KCMF1: variants seen among roughly 807,000 people sequenced by gnomAD.
The protein encoded by KCMF1 is E3 ubiquitin-protein ligase KCMF1.
KCMF1 carries 3 observed loss-of-function variants against 41.1 expected under a neutral mutation model. That is an observed-to-expected ratio of 0.07 (90% confidence interval 0.03 to 0.19). The LOEUF is 0.19. Ranked by LOEUF, KCMF1 falls within the 10% of genes least tolerant of loss-of-function variation. The probability of loss-of-function intolerance (pLI) is 1.00; values close to 1 mark genes in which losing one functional copy is unlikely to be tolerated. For synonymous variants in KCMF1, 142 were observed against 164.5 expected (o/e 0.86, Z 1.04); for missense variants, 286 against 488.9 (o/e 0.58, Z 3.91).
intron 5 of KCMF1, among the ~76,000 whole-genome samples, chr2:85,046,748 G>C (rs1225140244): frequency 1.3e-5 from 2 of 151,900 alleles, no homozygotes; most frequent in African/African-American, 4.8e-5. Flanking sequence ...TGTGTTAAAA[G>C]CAGACACTTA....
At chr2:85,005,588 CCTAA>C (rs1464797812) in intron 1 of KCMF1, among the ~76,000 whole-genome samples, 4 of 152,060 alleles carry the variant, frequency 2.6e-5, no homozygotes, top group African/African-American at 4.8e-5. Context: ...CTGTGCCTGG[CCTAA>C]CTTTTTTTAT....
At chr2:85,014,718 TGC>T in intron 1 of KCMF1, among the ~76,000 whole-genome samples, 1 of 142,568 alleles carries the variant, frequency 7.0e-6, no homozygotes, top group South Asian at 2.2e-4. Flanking sequence ...CGTGCGTGCG[TGC>T]GTGCGTGTGT....
At chr2:85,046,833 G>A (rs1675677611) in intron 5 of KCMF1, among the ~76,000 whole-genome samples, 1 of 151,874 alleles carries the variant, frequency 6.6e-6, no homozygotes, top group African/African-American at 2.4e-5. Context: ...TGCTTTCCTG[G>A]GTTTCAGTTA....
At chr2:84,999,022 C>T (rs566192983) in intron 1 of KCMF1, among the ~76,000 whole-genome samples, 4 of 130,322 alleles carry the variant, frequency 3.1e-5, no homozygotes, top group Non-Finnish European at 4.9e-5. Context: ...ACCCACCCAT[C>T]CATCCATCCA....
chr2:85,039,010 G>C lies in KCMF1; in HGVS notation c.324+3855G>C, dbSNP rs747934608. On this transcript the variant is annotated intron_variant, in intron 3 of 6. Transcript: ENST00000409785. ...GTTGGGGTTACAGGCATAAGCCACT[G>C]TGCCCTGCCCCAATTTTGGCCCCAG... Among the ~76,000 whole-genome samples, 71 of 152,328 alleles carry C rather than the reference G, an allele frequency of 4.7e-4. 1 individual carries two copies. Among genetic ancestry groups the C allele is most frequent in the Non-Finnish European group, 5.1e-4 (35 of 68,018 alleles).
chr2:84,983,183 C>A (rs1444320904), intron 1 of KCMF1, among the ~76,000 whole-genome samples: 1 of 152,184 alleles, frequency 6.6e-6, no homozygotes, highest in Non-Finnish European at 1.5e-5. Flanking sequence ...CATACATAAT[C>A]TTAAATTCCC....
intron 1 of KCMF1, among the ~76,000 whole-genome samples, chr2:85,020,974 A>G (rs1327706341): frequency 6.6e-6 from 1 of 152,026 alleles, no homozygotes; most frequent in Admixed American, 6.6e-5. Context: ...GGCTGAAGCA[A>G]TTCTCCCACT....
intron 1 of KCMF1, among the ~76,000 whole-genome samples, chr2:85,013,317 A>G (rs1456881002): frequency 6.6e-6 from 1 of 152,230 alleles, no homozygotes; most frequent in Non-Finnish European, 1.5e-5. Flanking sequence ...CCACCTCAGT[A>G]CAATGAGCTG....
intron 1 of KCMF1, among the ~76,000 whole-genome samples, chr2:85,018,107 A>ACTGT (rs996721927): frequency 3.9e-5 from 6 of 152,140 alleles, no homozygotes; most frequent in Non-Finnish European, 5.9e-5. Context: ...AAGGGGTTAA[A>ACTGT]CTGTATGTCC....
At chr2:85,024,473 A>T (rs1253643953) in intron 1 of KCMF1, among the ~76,000 whole-genome samples, 1 of 152,068 alleles carries the variant, frequency 6.6e-6, no homozygotes, top group Non-Finnish European at 1.5e-5. Flanking sequence ...ACTCTATCTC[A>T]AAAGAATAAA....
At chr2:84,999,311 C>T (rs899415695) in intron 1 of KCMF1, among the ~76,000 whole-genome samples, 3 of 152,014 alleles carry the variant, frequency 2.0e-5, no homozygotes, top group Non-Finnish European at 2.9e-5. Flanking sequence ...CCAACACACC[C>T]GGCTAATTTT....
At chr2:84,979,610 TA>T (rs1673652478) in intron 1 of KCMF1, among the ~76,000 whole-genome samples, 1 of 152,218 alleles carries the variant, frequency 6.6e-6, no homozygotes, top group South Asian at 2.1e-4. Flanking sequence ...CTAAACTGCA[TA>T]TTCATAAAAG....
At position 85,054,574 on chromosome 2, in the gene KCMF1, G is replaced by A. The variant is rs2104073952; in HGVS notation, c.*1165G>A. The A allele has an allele frequency of 6.6e-6, 1 of 151,874 alleles. No homozygotes were observed. Among genetic ancestry groups the A allele is most frequent in the East Asian group, 1.9e-4 (1 of 5,182 alleles). 9.4% of individuals were successfully genotyped at this position (151,874 alleles called of 1,614,324 possible). ...GTAAAAAAAATGTACAGCTTTTTTTGGGTTTGTTTTGGGGTTTGGAAGGGC... is the reference window on the plus strand; with the variant it reads ...GTAAAAAAAATGTACAGCTTTTTTTAGGTTTGTTTTGGGGTTTGGAAGGGC... On this transcript the variant is annotated 3_prime_UTR_variant, in exon 7 of 7. Transcript: ENST00000409785.
At chr2:84,977,580 C>T (rs953432684) in intron 1 of KCMF1, among the ~76,000 whole-genome samples, 7 of 151,558 alleles carry the variant, frequency 4.6e-5, no homozygotes, top group Admixed American at 2.0e-4. Flanking sequence ...GCCCCACACC[C>T]GACTTTTTTT....
chr2:85,003,922 C>T (rs1462959890), intron 1 of KCMF1, among the ~76,000 whole-genome samples: 2 of 152,096 alleles, frequency 1.3e-5, no homozygotes, highest in South Asian at 2.1e-4. Flanking sequence ...CACCCTTTAT[C>T]TGAGGGGGGA....
chr2:85,013,609 C>A (rs1674698583), intron 1 of KCMF1, among the ~76,000 whole-genome samples: 1 of 151,952 alleles, frequency 6.6e-6, no homozygotes, highest in Non-Finnish European at 1.5e-5. Flanking sequence ...ACCAGCCTGG[C>A]CAGCATGGTG....
intron 1 of KCMF1, among the ~76,000 whole-genome samples, chr2:85,027,491 C>G (rs1675138124): frequency 6.7e-6 from 1 of 150,016 alleles, no homozygotes; most frequent in Non-Finnish European, 1.5e-5. Flanking sequence ...TCTCATGCCT[C>G]AGCCTCCCAA....
At chr2:85,025,479 A>T (rs551551678) in intron 1 of KCMF1, among the ~76,000 whole-genome samples, 1 of 152,240 alleles carries the variant, frequency 6.6e-6, no homozygotes, top group South Asian at 2.1e-4. Context: ...TTCTTCCATT[A>T]TCCCAAACTT....
rs1480637160 is a variant in KCMF1, at chr2:85,057,811, T to A, written c.*4402T>A. The A allele has an allele frequency of 6.6e-6, 1 of 152,174 alleles. No homozygotes were observed. The highest frequency in any genetic ancestry group is 1.5e-5 in the Non-Finnish European group (1 of 68,036). The allele number at this position is 152,174 out of a possible 1,614,324, so 9.4% of individuals were successfully genotyped here. Reference sequence around the variant, plus strand: ...CACTTCCTCAACTTGGTTAGCAAATTCAAGTTTTGAAAGACGATTCGTCTC... The same window carrying A: ...CACTTCCTCAACTTGGTTAGCAAATACAAGTTTTGAAAGACGATTCGTCTC... On this transcript the variant is annotated 3_prime_UTR_variant, in exon 7 of 7. Transcript: ENST00000409785.
Sources: allele counts gnomAD v4.1 joint callset (sites outside exome capture counted in the v4.1 genomes callset), GRCh38; gene constraint gnomAD v4.1.1; transcripts MANE v1.5; gene names NCBI Gene and HGNC (gene_info 2026-07-23, HGNC 2026-07-21).